The following STIM2 variants were observed in gnomAD, a reference collection of about 807,000 sequenced individuals.
The protein encoded by STIM2 is stromal interaction molecule 2.
In STIM2, 31 loss-of-function variants were observed where a neutral mutation model predicts 85.8. That is an observed-to-expected ratio of 0.36 (90% CI 0.27 to 0.49). The LOEUF (loss-of-function observed/expected upper bound fraction) is 0.49, where lower values mean the gene tolerates loss of function less well. Ranked by LOEUF, STIM2 falls within the 20% of genes least tolerant of loss-of-function variation. The pLI is 0.98. For synonymous variants in STIM2, 356 were observed against 331.1 expected (o/e 1.08, Z -0.82); for missense variants, 841 against 927.6 (o/e 0.91, Z 1.21).
At chr4:26,940,942 G>T (rs186944249) in intron 2 of STIM2, among the ~76,000 whole-genome samples, 550 of 152,244 alleles carry the variant, frequency 3.6e-3, no homozygotes, top group African/African-American at 0.012. Context: ...AGATTCCCAG[G>T]CAGTGCTGAT....
chr4:26,942,375 T>C (rs1725642605), intron 2 of STIM2, among the ~76,000 whole-genome samples: 1 of 152,178 alleles, frequency 6.6e-6, no homozygotes, highest in South Asian at 2.1e-4. Context: ...CCTGGCATTA[T>C]TTTTCTTACC....
At chr4:27,014,165 C>T (rs570655431) in intron 10 of STIM2, among the ~76,000 whole-genome samples, 37 of 151,812 alleles carry the variant, frequency 2.4e-4, no homozygotes, top group Middle Eastern at 6.8e-3. Flanking sequence ...TGTCGAAATC[C>T]TGTTTGTTTT....
At chr4:26,992,366 A>G (rs183407995) in intron 3 of STIM2, among the ~76,000 whole-genome samples, 170 of 152,192 alleles carry the variant, frequency 1.1e-3, no homozygotes, top group African/African-American at 3.9e-3. Flanking sequence ...AGTAACAATC[A>G]TACAGATAAG....
chr4:26,956,148 T>A (rs1471166856), intron 2 of STIM2, among the ~76,000 whole-genome samples: 1 of 151,928 alleles, frequency 6.6e-6, no homozygotes, highest in Non-Finnish European at 1.5e-5. Flanking sequence ...GATCTTATAG[T>A]TTTGGAACAA....
chr4:27,000,990 A>G (rs1256519106), intron 5 of STIM2, among the ~76,000 whole-genome samples: 3 of 152,184 alleles, frequency 2.0e-5, no homozygotes, highest in Non-Finnish European at 4.4e-5. Context: ...TGTAGCTTTC[A>G]GCAGTACATT....
chr4:26,891,366 G>C (rs929546639), intron 1 of STIM2, among the ~76,000 whole-genome samples: 3 of 152,056 alleles, frequency 2.0e-5, no homozygotes, highest in Non-Finnish European at 2.9e-5. Context: ...TGAGTTTCTA[G>C]CTTGCTAGCT....
At chr4:27,009,784 C>G (rs1196241372) in intron 10 of STIM2, among the ~76,000 whole-genome samples, 1 of 152,172 alleles carries the variant, frequency 6.6e-6, no homozygotes, top group Non-Finnish European at 1.5e-5. Flanking sequence ...TTAGAATATT[C>G]TCAGTTTGTA....
chr4:26,942,370 C>A (rs576611660), intron 2 of STIM2, among the ~76,000 whole-genome samples: 1 of 152,204 alleles, frequency 6.6e-6, no homozygotes, highest in East Asian at 1.9e-4. Context: ...TCAAACCTGG[C>A]ATTATTTTTC....
chr4:27,019,971 G>A (rs975278873), intron 11 of STIM2, among the ~76,000 whole-genome samples: 3 of 152,122 alleles, frequency 2.0e-5, no homozygotes, highest in Non-Finnish European at 4.4e-5. Context: ...TTGTCATTAC[G>A]CAATTCAAAT....
At chr4:26,918,050 A>C (rs1221402694) in intron 1 of STIM2, among the ~76,000 whole-genome samples, 1 of 152,120 alleles carries the variant, frequency 6.6e-6, no homozygotes, top group African/African-American at 2.4e-5. Flanking sequence ...GTATTTATAT[A>C]TCACACAGAA....
At chr4:26,979,823 A>T (rs1433164797) in intron 3 of STIM2, among the ~76,000 whole-genome samples, 1 of 152,206 alleles carries the variant, frequency 6.6e-6, no homozygotes, top group African/African-American at 2.4e-5. Context: ...TGGTAGTTTT[A>T]TAGTTTATTG....
At chr4:26,995,332 G>C (rs747140100) in intron 3 of STIM2, 47 bp from the exon 4 acceptor site, 3 of 968,418 alleles carry the variant, frequency 3.1e-6, no homozygotes, top group East Asian at 5.5e-5. Flanking sequence ...ATGTATTTCT[G>C]AAAGCAGGTG....
chr4:26,876,792 TCTTA>T (rs34536485), intron 1 of STIM2, among the ~76,000 whole-genome samples: 7,049 of 152,246 alleles, frequency 0.046, 178 homozygotes, highest in South Asian at 0.079. Context: ...TTTTTCTGTC[TCTTA>T]CTGTCTTTTT....
At chr4:26,998,021 G>A (rs1182004319) in intron 4 of STIM2, among the ~76,000 whole-genome samples, 1 of 152,104 alleles carries the variant, frequency 6.6e-6, no homozygotes, top group Non-Finnish European at 1.5e-5. Flanking sequence ...TACTAATTAT[G>A]TAACCTTAGG....
intron 3 of STIM2, among the ~76,000 whole-genome samples, chr4:26,994,804 T>A (rs1727897302): frequency 6.6e-6 from 1 of 152,084 alleles, no homozygotes; most frequent in African/African-American, 2.4e-5. Context: ...TCCTTGCAAT[T>A]TTTAGGTCTC....
At chr4:26,870,741 C>T (rs1044185820) in intron 1 of STIM2, among the ~76,000 whole-genome samples, 4 of 152,092 alleles carry the variant, frequency 2.6e-5, no homozygotes, top group Non-Finnish European at 5.9e-5. Flanking sequence ...TTCACCCTAG[C>T]TTGTAGTCTA....
At chr4:26,901,773 T>C (rs577325775) in intron 1 of STIM2, among the ~76,000 whole-genome samples, 4 of 152,180 alleles carry the variant, frequency 2.6e-5, no homozygotes, top group Non-Finnish European at 5.9e-5. Flanking sequence ...AATAGTGGAA[T>C]TGCGATTTGA....
intron 10 of STIM2, among the ~76,000 whole-genome samples, chr4:27,014,078 G>T (rs969889169): frequency 2.0e-4 from 30 of 151,748 alleles, no homozygotes; most frequent in Admixed American, 5.9e-4. Context: ...AAATTTTTTT[G>T]TTCCTAATAA....
chr4:27,014,075 T>C (rs768836049), intron 10 of STIM2, among the ~76,000 whole-genome samples: 28 of 152,006 alleles, frequency 1.8e-4, no homozygotes, highest in Non-Finnish European at 2.7e-4. Flanking sequence ...TTTAAATTTT[T>C]TTGTTCCTAA....
Sources: gnomAD v4.1 joint callset for allele counts (sites outside exome capture counted in the v4.1 genomes callset) on GRCh38, gnomAD v4.1.1 for gene constraint, MANE v1.5 for transcripts, NCBI Gene and HGNC (gene_info 2026-07-23, HGNC 2026-07-21) for gene names.